The following SDHC variants were observed in gnomAD, a reference collection of about 807,000 sequenced individuals.
The protein encoded by SDHC is succinate dehydrogenase complex subunit C.
In SDHC, 11 loss-of-function variants were observed where a neutral mutation model predicts 22.6. The observed-to-expected ratio is 0.49, with a 90% CI of 0.31 to 0.81. The LOEUF (loss-of-function observed/expected upper bound fraction) is 0.81, where lower values mean the gene tolerates loss of function less well. SDHC is among the 30% of genes least tolerant of loss of function. SDHC has a pLI of 0.05. For missense variants in SDHC, 160 were observed against 212.0 expected (o/e 0.75, Z 1.52); for synonymous variants, 80 against 77.8 (o/e 1.03, Z -0.15).
At chr1:161,340,692 C>T in intron 4 of SDHC, 37 bp downstream of exon 4, 1 of 1,569,452 alleles carries the variant, frequency 6.4e-7, no homozygotes, top group Non-Finnish European at 8.8e-7. Context: ...ATATGTGCTT[C>T]TTTGAAAAAC....
At chr1:161,333,000 T>C (rs1234107282) in intron 3 of SDHC, among the ~76,000 whole-genome samples, 1 of 152,238 alleles carries the variant, frequency 6.6e-6, no homozygotes, top group Non-Finnish European at 1.5e-5. Context: ...ACCAATCGTT[T>C]GTCCCTCCCA....
intron 1 of SDHC, among the ~76,000 whole-genome samples, chr1:161,319,900 G>A (rs1670779671): frequency 6.6e-6 from 1 of 151,520 alleles, no homozygotes; most frequent in South Asian, 2.1e-4. Flanking sequence ...GGATTGAAAG[G>A]AATTTGTGGG....
intron 3 of SDHC, among the ~76,000 whole-genome samples, chr1:161,329,373 C>T (rs1671190101): frequency 6.6e-6 from 1 of 151,992 alleles, no homozygotes; most frequent in South Asian, 2.1e-4. Flanking sequence ...GCTTGGTCAC[C>T]CAGGCTGGAG....
At chr1:161,318,901 G>C (rs562954610) in intron 1 of SDHC, among the ~76,000 whole-genome samples, 30 of 152,090 alleles carry the variant, frequency 2.0e-4, no homozygotes, top group South Asian at 1.7e-3. Flanking sequence ...GGGCGTGGTT[G>C]TGGGTGCCTG....
At chr1:161,343,372 A>G (rs1025118483) in intron 4 of SDHC, among the ~76,000 whole-genome samples, 4 of 152,270 alleles carry the variant, frequency 2.6e-5, no homozygotes, top group Non-Finnish European at 4.4e-5. Context: ...GTGTGTGTGT[A>G]TATATTTATA....
Position 161,329,862 on chromosome 1 carries a change from A to G in SDHC, c.179+1365A>G, listed in dbSNP as rs535227883. Reference sequence around the variant, plus strand: ...GTTATGGCATTCTTTTTCTATTTTCAAAGCAAGCAATAGCAGAGTCCTTCT... The same window carrying G: ...GTTATGGCATTCTTTTTCTATTTTCGAAGCAAGCAATAGCAGAGTCCTTCT... On this transcript the variant is annotated intron_variant, in intron 3 of 5. Transcript: ENST00000367975. 9.2e-5 allele frequency among the ~76,000 whole-genome samples: 14 copies of G among 152,216 alleles called. No homozygotes were observed. The South Asian group carries it at 1.0e-3, about 11-fold the overall frequency.
intron 1 of SDHC, among the ~76,000 whole-genome samples, chr1:161,320,600 T>G (rs1324724345): frequency 1.3e-5 from 2 of 152,124 alleles, no homozygotes; most frequent in Non-Finnish European, 2.9e-5. Flanking sequence ...ACTGAGGGTT[T>G]TAAAAAGAAT....
intron 3 of SDHC, among the ~76,000 whole-genome samples, chr1:161,330,622 C>T (rs1342259080): frequency 6.6e-6 from 1 of 152,144 alleles, no homozygotes; most frequent in Non-Finnish European, 1.5e-5. Flanking sequence ...GTAGAAATTT[C>T]GGGGTATGAC....
intron 1 of SDHC, 144 bp from the exon 2 acceptor site, chr1:161,323,470 A>G: frequency 1.5e-6 from 1 of 660,256 alleles, no homozygotes; most frequent in South Asian, 1.7e-5. Flanking sequence ...CTTTTCAACT[A>G]GAAAATGGTA....
At chr1:161,354,738 C>T (rs1251968239) in intron 4 of SDHC, among the ~76,000 whole-genome samples, 1 of 148,850 alleles carries the variant, frequency 6.7e-6, no homozygotes, top group Non-Finnish European at 1.5e-5. Flanking sequence ...AGCCTCACGC[C>T]TCACTCTGTT....
intron 4 of SDHC, among the ~76,000 whole-genome samples, chr1:161,348,387 T>C (rs1671976165): frequency 6.6e-6 from 1 of 151,310 alleles, no homozygotes; most frequent in Admixed American, 6.6e-5. Context: ...TTGAACTCCT[T>C]ACCTCAAGTG....
At chr1:161,328,537 G>T in intron 3 of SDHC, 40 bp downstream of exon 3, 1 of 1,406,408 alleles carries the variant, frequency 7.1e-7, no homozygotes, top group Non-Finnish European at 1.0e-6. Context: ...TAGAGGTAGT[G>T]GGTGAAAGTT....
At chr1:161,319,433 GTT>G (rs759145734) in intron 1 of SDHC, among the ~76,000 whole-genome samples, 3 of 135,936 alleles carry the variant, frequency 2.2e-5, no homozygotes. Flanking sequence ...GGAATTGGTT[GTT>G]TTTTTTTTTT....
Position 161,341,797 on chromosome 1 carries a change from A to G in SDHC, c.241+1142A>G, listed in dbSNP as rs147442402. 3.9e-4 allele frequency among the ~76,000 whole-genome samples: 60 copies of G among 152,276 alleles called. No homozygotes were observed. The East Asian group carries it at 0.01, about 26-fold the overall frequency. ...CTTAAAGCATTCTAGTTTTTCTTTCATAATCATAGTTGTAATTTACTTGTT... is the reference window on the plus strand; with the variant it reads ...CTTAAAGCATTCTAGTTTTTCTTTCGTAATCATAGTTGTAATTTACTTGTT... On this transcript the variant is annotated intron_variant, in intron 4 of 5. Transcript: ENST00000367975.
rs1211574644 is a variant in SDHC at position 161,314,422 on chromosome 1, T to C, written c.17T>C (p.Leu6Pro). 3 of 1,611,540 alleles carry C rather than the reference T, an allele frequency of 1.9e-6. No homozygotes were observed. The highest frequency in any genetic ancestry group is 1.4e-5 in the African/African-American group (1 of 73,312). MAALL[L>P]RHVGRHCLRA... ...GAACCCAAGATGGCTGCGCTGTTGC[T>C]GAGGTGACTTCAGTGGGACTGGGAG... is the stretch of plus-strand genomic sequence containing the variant. Residue 6 changes from leucine to proline, a missense_variant, in exon 1 of 6, where the codon CTG becomes CCG. By Grantham distance (98) the Leu-to-Pro change is moderately conservative. Around this residue, in one of 2 missense-constraint regions of SDHC, gnomAD observed 86 missense variants for 83.4 expected, o/e 1.03. Transcript: ENST00000367975.
chr1:161,321,607 G>A (rs1324953207), intron 1 of SDHC, among the ~76,000 whole-genome samples: 4 of 152,124 alleles, frequency 2.6e-5, no homozygotes, highest in Admixed American at 2.0e-4. Context: ...GGGAGCCTTG[G>A]GTATACAATG....
At chr1:161,346,607 A>G (rs1469983220) in intron 4 of SDHC, among the ~76,000 whole-genome samples, 2 of 152,128 alleles carry the variant, frequency 1.3e-5, no homozygotes, top group African/African-American at 4.8e-5. Context: ...CATGTTGGTC[A>G]GGCTGGTCTC....
chr1:161,335,063 T>C (rs1671421438), intron 3 of SDHC, among the ~76,000 whole-genome samples: 1 of 152,252 alleles, frequency 6.6e-6, no homozygotes, highest in South Asian at 2.1e-4. Flanking sequence ...TCCTGCAGTA[T>C]GGGAGAGATT....
Position 161,335,812 on chromosome 1 carries a change from CATACATAT to C in SDHC, c.180-4766_180-4759del, listed in dbSNP as rs577280271. ...TATATAAGTATATACATACATCATA[CATACATAT>C]ATACATATATACATACATCTCTGTT... is the stretch of plus-strand genomic sequence containing the variant. On this transcript the variant is annotated intron_variant, in intron 3 of 5. Coordinates refer to ENST00000367975, the MANE Select transcript of SDHC (RefSeq NM_003001.5). Among the ~76,000 whole-genome samples the C allele has an allele frequency of 2.9e-3, 437 of 150,658 alleles. 3 individuals are homozygous for C. Among genetic ancestry groups the C allele is most frequent in the Middle Eastern group, 0.01 (3 of 292 alleles).
Sources: allele counts gnomAD v4.1 joint callset (sites outside exome capture counted in the v4.1 genomes callset), GRCh38; gene constraint gnomAD v4.1.1; regional missense constraint gnomAD v4.1.1; transcripts MANE v1.5; gene names NCBI Gene and HGNC (gene_info 2026-07-23, HGNC 2026-07-21).